Variants in ROCK1 observed in about 807,000 individuals in gnomAD.
ROCK1 encodes the protein rho-associated protein kinase 1.
In ROCK1, 36 loss-of-function variants were observed where a neutral mutation model predicts 196.8. The ratio of observed to expected loss-of-function variants is 0.18; its 90% confidence interval spans 0.14 to 0.24. The LOEUF is 0.24. Among genes scored for constraint, ROCK1 ranks in the 10% least tolerant of loss-of-function variants. The pLI, the probability that ROCK1 is intolerant of heterozygous loss-of-function variation, is 1.00. For missense variants in ROCK1, 920 were observed against 1,562.0 expected, an observed-to-expected ratio of 0.59 and a Z score of 6.93; for synonymous variants, 443 against 515.9, an observed-to-expected ratio of 0.86 and a Z score of 1.91.
At chr18:21,042,966 G>A (rs1250256591) in intron 6 of ROCK1, among the ~76,000 whole-genome samples, 3 of 151,974 alleles carry the variant, frequency 2.0e-5, no homozygotes, top group African/African-American at 7.3e-5. Context: ...CACATTATAT[G>A]TGTATTCACA....
chr18:20,970,739 TTAAC>T (rs2035418197), intron 22 of ROCK1, among the ~76,000 whole-genome samples: 1 of 152,196 alleles, frequency 6.6e-6, no homozygotes, highest in Admixed American at 6.5e-5. Flanking sequence ...CATATTGTGC[TTAAC>T]TAAAAAAGGT....
Position 20,959,898 on chromosome 18 carries a change from A to G in ROCK1, c.3454T>C (p.Phe1152Leu). 6.2e-7 allele frequency: 1 copy of G among 1,611,136 alleles called. No homozygotes were observed. ...YVVVSSKKILFYNDEQDKEQS... is the reference protein window; with the variant it reads ...YVVVSSKKILLYNDEQDKEQS... ...TCCTTATCTTGTTCGTCATTATAGA[A>G]CAAAATTTTTTTGCTGCTTACCACA... Residue 1152 changes from phenylalanine (F) to leucine (L), a missense_variant, in exon 29 of 33, where the codon TTC (phenylalanine) becomes CTC (leucine). This residue lies in a region of ROCK1 where 116 missense variants were observed against 204.2 expected (regional missense o/e 0.57). Coordinates refer to ENST00000399799, the MANE Select transcript of ROCK1 (RefSeq NM_005406.3).
intron 10 of ROCK1, among the ~76,000 whole-genome samples, chr18:21,027,449 A>T (rs1227771652): frequency 2.0e-5 from 3 of 152,234 alleles, no homozygotes; most frequent in African/African-American, 7.2e-5. Context: ...TTAAATGTTT[A>T]ACTTAAATCT....
chr18:21,006,821 T>G (rs1462555780), intron 14 of ROCK1, 31 bp from the exon 15 acceptor site: 11 of 1,287,956 alleles, frequency 8.5e-6, no homozygotes, highest in Admixed American at 2.3e-5. Flanking sequence ...ATATAGAAAT[T>G]ACAACATTTT....
At chr18:21,011,199 GT>G (rs946098644) in intron 13 of ROCK1, among the ~76,000 whole-genome samples, 1 of 151,928 alleles carries the variant, frequency 6.6e-6, no homozygotes, top group Non-Finnish European at 1.5e-5. Context: ...TAAGTCTGCC[GT>G]TTTTGTTTTT....
At chr18:21,106,426 C>T (rs1420010893) in intron 1 of ROCK1, among the ~76,000 whole-genome samples, 2 of 152,204 alleles carry the variant, frequency 1.3e-5, no homozygotes, top group Non-Finnish European at 2.9e-5. Context: ...CCTCAGCCCT[C>T]CAGGAGCGAG....
intron 1 of ROCK1, among the ~76,000 whole-genome samples, chr18:21,091,786 C>T (rs1467345275): frequency 9.2e-5 from 14 of 152,012 alleles, no homozygotes; most frequent in African/African-American, 4.8e-5. Context: ...GGCTGGCCTA[C>T]GTGGTGAAAC....
At chr18:21,025,380 T>C (rs1265916117) in intron 10 of ROCK1, among the ~76,000 whole-genome samples, 1 of 152,212 alleles carries the variant, frequency 6.6e-6, no homozygotes, top group Non-Finnish European at 1.5e-5. Context: ...CTATTTCATA[T>C]CTGTATATTC....
At chr18:20,985,005 A>G (rs1447629405) in intron 19 of ROCK1, among the ~76,000 whole-genome samples, 1 of 151,504 alleles carries the variant, frequency 6.6e-6, no homozygotes. Flanking sequence ...TCCCAGCTAC[A>G]TGGGAGGATC....
intron 9 of ROCK1, among the ~76,000 whole-genome samples, chr18:21,030,282 T>C (rs2035994815): frequency 6.6e-6 from 1 of 152,150 alleles, no homozygotes. Flanking sequence ...AGAGACACTT[T>C]TGCCTGCTGG....
At chr18:21,072,845 C>T (rs986914257) in intron 1 of ROCK1, among the ~76,000 whole-genome samples, 1 of 151,838 alleles carries the variant, frequency 6.6e-6, no homozygotes, top group African/African-American at 2.4e-5. Context: ...CCGAGGCAGG[C>T]GTACTGCCTG....
chr18:20,980,655 G>A (rs1236980930), intron 21 of ROCK1, among the ~76,000 whole-genome samples: 4 of 152,158 alleles, frequency 2.6e-5, no homozygotes, highest in African/African-American at 9.7e-5. Flanking sequence ...GGTGGCTCAC[G>A]CCTGTAATCC....
chr18:20,986,319 T>C (rs1029344938), intron 19 of ROCK1, among the ~76,000 whole-genome samples: 2 of 152,220 alleles, frequency 1.3e-5, no homozygotes, highest in Non-Finnish European at 2.9e-5. Flanking sequence ...ACTCACTTTA[T>C]TATCCATCTC....
intron 16 of ROCK1, among the ~76,000 whole-genome samples, chr18:21,005,924 CAA>C (rs1368938874): frequency 1.3e-5 from 2 of 152,038 alleles, no homozygotes; most frequent in African/African-American, 4.8e-5. Flanking sequence ...CTGGTTTCAC[CAA>C]AGTCATTTTC....
At chr18:21,106,803 A>C (rs2036706850) in intron 1 of ROCK1, among the ~76,000 whole-genome samples, 1 of 152,204 alleles carries the variant, frequency 6.6e-6, no homozygotes, top group Admixed American at 6.5e-5. Context: ...GCATTTATAC[A>C]TGATATGAAG....
chr18:20,982,252 T>A (rs2035539817), intron 21 of ROCK1, among the ~76,000 whole-genome samples: 1 of 152,194 alleles, frequency 6.6e-6, no homozygotes, highest in African/African-American at 2.4e-5. Context: ...TCAACAATAT[T>A]TAAAAGTCTT....
chr18:21,085,105 A>G (rs1183420929), intron 1 of ROCK1, among the ~76,000 whole-genome samples: 1 of 152,216 alleles, frequency 6.6e-6, no homozygotes, highest in Non-Finnish European at 1.5e-5. Flanking sequence ...GACAGGGAAT[A>G]AAAGAGTTAC....
intron 29 of ROCK1, among the ~76,000 whole-genome samples, chr18:20,958,531 A>G (rs1291260505): frequency 1.3e-5 from 2 of 152,040 alleles, no homozygotes; most frequent in Non-Finnish European, 2.9e-5. Flanking sequence ...AATATAAGAA[A>G]AAATACTATA....
chr18:21,107,285 T>G (rs186236528), intron 1 of ROCK1, among the ~76,000 whole-genome samples: 1 of 152,296 alleles, frequency 6.6e-6, no homozygotes, highest in East Asian at 1.9e-4. Flanking sequence ...AAAAAGCTGT[T>G]TAGTAGGTAA....
Sources: gnomAD v4.1 joint callset for allele counts (sites outside exome capture counted in the v4.1 genomes callset) on GRCh38, gnomAD v4.1.1 for gene constraint, gnomAD v4.1.1 regional missense constraint, MANE v1.5 for transcripts, NCBI Gene and HGNC (gene_info 2026-07-23, HGNC 2026-07-21) for gene names.